Variants in SCAF4 observed in about 807,000 individuals in gnomAD.
SCAF4 encodes the protein SR-related CTD associated factor 4, also known as SR-related and CTD-associated factor 4.
In SCAF4, 25 loss-of-function variants were observed where a neutral mutation model predicts 129.8. The observed-to-expected ratio is 0.19, with a 90% CI of 0.14 to 0.27. The LOEUF is 0.27. SCAF4 is among the 10% of genes least tolerant of loss of function. The pLI is 1.00. For synonymous variants in SCAF4, 551 were observed against 497.7 expected (o/e 1.11, Z -1.43); for missense variants, 1,246 against 1,457.1 (o/e 0.86, Z 2.36).
intron 1 of SCAF4, among the ~76,000 whole-genome samples, chr21:31,723,638 GCGCGCGCGCACATACAGTTC>G (rs1568867499): frequency 6.6e-6 from 1 of 151,172 alleles, no homozygotes; most frequent in East Asian, 2.0e-4. Flanking sequence ...GTGCGCGCGC[GCGCGCGCGCACATACAGTTC>G]AAGTTTTCTT....
chr21:31,685,167 A>G lies in SCAF4; in HGVS notation c.2370T>C (p.Ser790=). The change falls in exon 19 of 20, where the codon TCT becomes TCC. Residue 790 remains serine (S), a synonymous_variant. Transcript: ENST00000286835. ...CAGACTCGGCGTTTCCTCTAGCCCC[A>G]GACACCACTGTTGGAATGGGATTTC... The part of the protein sequence containing the change: ...SIGNPIPTVV[S]GARGNAESGD... 6.2e-7 allele frequency: 1 copy of G among 1,612,926 alleles called. No individual in the cohort carries two copies. The highest frequency in any genetic ancestry group is 2.2e-5 in the East Asian group (1 of 44,886).
intron 1 of SCAF4, among the ~76,000 whole-genome samples, chr21:31,720,793 A>T (rs2051048007): frequency 6.6e-6 from 1 of 152,214 alleles, no homozygotes; most frequent in South Asian, 2.1e-4. Context: ...TTCCCACTGG[A>T]TTACTCCTTA....
At position 31,703,846 on chromosome 21, in the gene SCAF4, A is replaced by G. The variant is rs767199119; in HGVS notation, c.240T>C (p.Asp80=). 6.2e-7 allele frequency: 1 copy of G among 1,600,666 alleles called. No homozygotes were observed. Among genetic ancestry groups the G allele is most frequent in the Non-Finnish European group, 8.5e-7 (1 of 1,169,654 alleles). The part of the protein sequence containing the change: ...VRQSRHQFGT[D]KDVFGPRFSK... ...AGAATCTTGGCCCAAAAACATCTTT[A>G]TCAGTTCCAAACTGATGACGAGACT... The change falls in exon 4 of 20, where the codon GAT becomes GAC. Residue 80 remains aspartate, a synonymous_variant. Coordinates refer to ENST00000286835, the MANE Select transcript of SCAF4 (RefSeq NM_020706.2).
intron 19 of SCAF4, among the ~76,000 whole-genome samples, chr21:31,679,283 A>C (rs138381474): frequency 5.9e-5 from 9 of 152,354 alleles, no homozygotes; most frequent in African/African-American, 1.7e-4. Flanking sequence ...AAAAAGATGT[A>C]TCAACCACTC....
At chr21:31,728,266 C>T (rs1223527397) in intron 1 of SCAF4, among the ~76,000 whole-genome samples, 1 of 152,178 alleles carries the variant, frequency 6.6e-6, no homozygotes, top group Non-Finnish European at 1.5e-5. Context: ...TACTGCCTAT[C>T]ACCAGTGCCT....
chr21:31,707,932 C>T (rs2050706163), intron 1 of SCAF4, among the ~76,000 whole-genome samples: 1 of 152,120 alleles, frequency 6.6e-6, no homozygotes, highest in South Asian at 2.1e-4. Flanking sequence ...CCATAAGATA[C>T]AGAAAACAGA....
intron 15 of SCAF4, among the ~76,000 whole-genome samples, chr21:31,688,839 T>C (rs2050190966): frequency 1.3e-5 from 2 of 152,208 alleles, no homozygotes; most frequent in African/African-American, 4.8e-5. Context: ...GTCCATGTTC[T>C]TAACCACAAG....
At chr21:31,689,813 T>C (rs2050216107) in intron 15 of SCAF4, among the ~76,000 whole-genome samples, 1 of 151,708 alleles carries the variant, frequency 6.6e-6, no homozygotes, top group East Asian at 2.0e-4. Context: ...CACGCGCCTG[T>C]AGTCCCAGCT....
At chr21:31,722,682 G>A (rs2051098609) in intron 1 of SCAF4, among the ~76,000 whole-genome samples, 1 of 152,204 alleles carries the variant, frequency 6.6e-6, no homozygotes, top group Non-Finnish European at 1.5e-5. Flanking sequence ...AAGGTCGGGT[G>A]TGGTGGCTCA....
At chr21:31,721,725 CTTTTT>C (rs1030749806) in intron 1 of SCAF4, among the ~76,000 whole-genome samples, 1 of 125,420 alleles carries the variant, frequency 8.0e-6, no homozygotes, top group Non-Finnish European at 1.7e-5. Flanking sequence ...AAGAGCAATT[CTTTTT>C]TTTTTTTTTT....
At chr21:31,694,674 C>T in intron 10 of SCAF4, 139 bp downstream of exon 10, 4 of 799,868 alleles carry the variant, frequency 5.0e-6, no homozygotes, top group Non-Finnish European at 8.0e-6. Flanking sequence ...GATGAAAAAC[C>T]TGGAGCACTG....
At chr21:31,712,700 T>C (rs2050833884) in intron 1 of SCAF4, among the ~76,000 whole-genome samples, 1 of 151,948 alleles carries the variant, frequency 6.6e-6, no homozygotes, top group African/African-American at 2.4e-5. Flanking sequence ...GGCTAATGTT[T>C]GTATTTTTAG....
At chr21:31,699,497 TA>T (rs1272488519) in intron 7 of SCAF4, among the ~76,000 whole-genome samples, 2 of 146,562 alleles carry the variant, frequency 1.4e-5, no homozygotes, top group African/African-American at 5.4e-5. Context: ...CTTTCTGTAT[TA>T]TTTGTTTTTT....
At chr21:31,717,434 A>T (rs1002746487) in intron 1 of SCAF4, among the ~76,000 whole-genome samples, 1 of 152,214 alleles carries the variant, frequency 6.6e-6, no homozygotes, top group African/African-American at 2.4e-5. Flanking sequence ...CTACTAATTC[A>T]AATTTATCTA....
At chr21:31,684,159 C>G (rs2050060238) in intron 19 of SCAF4, 1 of 153,416 alleles carries the variant, frequency 6.5e-6, no homozygotes, top group East Asian at 1.9e-4. Context: ...CCTAAAACAA[C>G]TCAGATTATG....
chr21:31,717,932 CACACACACACACACAT>C (rs1438672369), intron 1 of SCAF4, among the ~76,000 whole-genome samples: 9 of 145,092 alleles, frequency 6.2e-5, no homozygotes, highest in African/African-American at 1.6e-4. Context: ...CACACACACA[CACACACACACACACAT>C]ATATATTTTT....
In SCAF4 at chr21:31,731,882, GTGGC is replaced by G; in HGVS notation, c.-194_-191del. On this transcript the variant is annotated 5_prime_UTR_variant, in exon 1 of 20. Coordinates refer to ENST00000286835, the MANE Select transcript of SCAF4 (RefSeq NM_020706.2). ...GGGCGGCCGAGGCAGAGGCGGAGAGGTGGCGGGCCCCCTCTCAGTCCCGTTCGCA... is the reference window on the plus strand; with the variant it reads ...GGGCGGCCGAGGCAGAGGCGGAGAGGGGGCCCCCTCTCAGTCCCGTTCGCA... 1.8e-6 allele frequency: 1 copy of G among 546,488 alleles called. No individual in the cohort carries two copies. Among genetic ancestry groups the G allele is most frequent in the Middle Eastern group, 4.7e-4 (1 of 2,118 alleles). 33.9% of individuals were successfully genotyped at this position (546,488 alleles called of 1,614,324 possible). A position where few individuals can be genotyped will look rare whatever the true frequency, so the allele number is the denominator to read the frequency against.
chr21:31,712,704 T>C (rs533337545), intron 1 of SCAF4, among the ~76,000 whole-genome samples: 1 of 151,886 alleles, frequency 6.6e-6, no homozygotes, highest in South Asian at 2.1e-4. Flanking sequence ...AATGTTTGTA[T>C]TTTTAGTAGA....
intron 1 of SCAF4, among the ~76,000 whole-genome samples, chr21:31,718,724 C>T (rs1206657679): frequency 2.0e-5 from 3 of 152,246 alleles, no homozygotes; most frequent in Admixed American, 1.3e-4. Flanking sequence ...ATTTACTCTT[C>T]AGATTTCAAG....
Sources: gnomAD v4.1 joint callset for allele counts (sites outside exome capture counted in the v4.1 genomes callset) on GRCh38, gnomAD v4.1.1 for gene constraint, MANE v1.5 for transcripts, NCBI Gene and HGNC (gene_info 2026-07-23, HGNC 2026-07-21) for gene names.